Variants in ZRANB3 observed in about 807,000 individuals in gnomAD.
ZRANB3 encodes the protein DNA annealing helicase and endonuclease ZRANB3.
ZRANB3 carries 125 observed loss-of-function variants against 133.8 expected under a neutral mutation model. That is an observed-to-expected ratio of 0.93 (90% CI 0.81 to 1.08). ZRANB3 has a LOEUF of 1.08. ZRANB3 is among the 50% of genes least tolerant of loss of function. The pLI is 0.00. For synonymous variants in ZRANB3, 387 were observed against 432.7 expected (o/e 0.89, Z 1.31); for missense variants, 1,229 against 1,275.5 (o/e 0.96, Z 0.56).
At chr2:135,527,814 T>A (rs1694223564) in intron 1 of ZRANB3, among the ~76,000 whole-genome samples, 1 of 152,214 alleles carries the variant, frequency 6.6e-6, no homozygotes. Flanking sequence ...TACCTGTAAC[T>A]AAAGACAGAG....
intron 3 of ZRANB3, among the ~76,000 whole-genome samples, chr2:135,373,565 A>G (rs912816327): frequency 6.6e-6 from 1 of 152,074 alleles, no homozygotes; most frequent in Non-Finnish European, 1.5e-5. Context: ...AGGCAGGCGG[A>G]CCACTTGAGG....
chr2:135,325,720 A>T (rs80315923), intron 6 of ZRANB3, among the ~76,000 whole-genome samples: 4,126 of 152,228 alleles, frequency 0.027, 164 homozygotes, highest in South Asian at 0.16. Context: ...TATTAAATGA[A>T]GAAAGTGTGT....
At chr2:135,370,473 C>A (rs1246713502) in intron 3 of ZRANB3, among the ~76,000 whole-genome samples, 1 of 152,010 alleles carries the variant, frequency 6.6e-6, no homozygotes, top group Non-Finnish European at 1.5e-5. Context: ...TTAATAGTCT[C>A]CAATATCATC....
chr2:135,416,405 T>C (rs1382969547), intron 2 of ZRANB3, among the ~76,000 whole-genome samples: 8 of 152,096 alleles, frequency 5.3e-5, no homozygotes, highest in Non-Finnish European at 1.0e-4. Context: ...TTACAAGGGA[T>C]GTGAAGGACC....
intron 8 of ZRANB3, 77 bp downstream of exon 8, chr2:135,313,412 C>T: frequency 1.3e-6 from 1 of 779,776 alleles, no homozygotes; most frequent in Non-Finnish European, 2.0e-6. Flanking sequence ...ATATAAATAA[C>T]TTGCTTAATT....
rs60788576 is a variant in ZRANB3, at chr2:135,418,925, C to CTCTTTTTT, written c.162-28106_162-28105insAAAAAAGA. The stretch of plus-strand genomic sequence containing the variant: ...AAGTAATGAAAAATAAGGATTCTCT[C>CTCTTTTTT]TTTTTTTTTTTTTTTTTTTTTTTTT... On this transcript the variant is annotated intron_variant, in intron 2 of 20. Transcript: ENST00000264159. Among the ~76,000 whole-genome samples the CTCTTTTTT allele has an allele frequency of 1.3e-4, 11 of 85,898 alleles. 1 individual carries two copies. In the South Asian group the frequency reaches 1.6e-3, roughly 13 times the overall value. The allele number at this position is 85,898 out of a possible 152,430, so 56.4% of individuals were successfully genotyped here.
intron 1 of ZRANB3, among the ~76,000 whole-genome samples, chr2:135,505,507 G>T (rs1465593707): frequency 6.6e-6 from 1 of 152,078 alleles, no homozygotes; most frequent in East Asian, 1.9e-4. Context: ...CCAGGAGGCA[G>T]AGGTTGCAGT....
chr2:135,373,643 C>T (rs1686281010), intron 3 of ZRANB3, among the ~76,000 whole-genome samples: 1 of 151,754 alleles, frequency 6.6e-6, no homozygotes, highest in African/African-American at 2.4e-5. Flanking sequence ...CAAAAATTAG[C>T]TGGGTGTAAT....
chr2:135,219,239 T>A, intron 15 of ZRANB3, 61 bp from the exon 16 acceptor site: 1 of 1,053,632 alleles, frequency 9.5e-7, no homozygotes, highest in Non-Finnish European at 1.3e-6. Context: ...GTAACTATTT[T>A]AAATGAAAAT....
chr2:135,465,841 A>T (rs1429019899), intron 2 of ZRANB3, among the ~76,000 whole-genome samples: 1 of 152,226 alleles, frequency 6.6e-6, no homozygotes, highest in Non-Finnish European at 1.5e-5. Context: ...AAACAACCTC[A>T]TCAAAAAGTG....
chr2:135,335,385 A>G (rs1684324922), intron 6 of ZRANB3, among the ~76,000 whole-genome samples: 1 of 152,124 alleles, frequency 6.6e-6, no homozygotes, highest in South Asian at 2.1e-4. Context: ...TAATTCAAAC[A>G]TAACATTAAC....
chr2:135,524,686 A>C (rs528531643), intron 1 of ZRANB3, among the ~76,000 whole-genome samples: 1 of 152,330 alleles, frequency 6.6e-6, no homozygotes, highest in African/African-American at 2.4e-5. Context: ...ATTATTACAA[A>C]GTTACAGAAA....
intron 1 of ZRANB3, among the ~76,000 whole-genome samples, chr2:135,517,973 G>A (rs1257807875): frequency 2.0e-5 from 3 of 152,138 alleles, no homozygotes; most frequent in African/African-American, 7.2e-5. Context: ...GAGGAATATA[G>A]AGAGGCATTC....
intron 2 of ZRANB3, among the ~76,000 whole-genome samples, chr2:135,497,813 GA>G (rs1390175899): frequency 2.0e-5 from 3 of 152,142 alleles, no homozygotes; most frequent in Admixed American, 2.0e-4. Context: ...AGTACTTTGG[GA>G]GGCCAAGGCG....
intron 2 of ZRANB3, among the ~76,000 whole-genome samples, chr2:135,422,901 G>A (rs1688920157): frequency 6.6e-6 from 1 of 152,130 alleles, no homozygotes; most frequent in African/African-American, 2.4e-5. Flanking sequence ...ACCACAAAGT[G>A]GGTGGTTTAA....
At chr2:135,428,559 CA>C in intron 2 of ZRANB3, among the ~76,000 whole-genome samples, 1 of 151,190 alleles carries the variant, frequency 6.6e-6, no homozygotes. Context: ...ACAGACTAAA[CA>C]GACAACTTAC....
chr2:135,436,363 C>T (rs1057062506), intron 2 of ZRANB3, among the ~76,000 whole-genome samples: 2 of 152,018 alleles, frequency 1.3e-5, no homozygotes, highest in Non-Finnish European at 1.5e-5. Flanking sequence ...TGTTTTGGTT[C>T]GTGTAGCCTT....
intron 3 of ZRANB3, among the ~76,000 whole-genome samples, chr2:135,353,866 G>A (rs530504340): frequency 5.3e-5 from 8 of 152,078 alleles, no homozygotes; most frequent in South Asian, 2.1e-4. Flanking sequence ...TTAGCTGGGC[G>A]TGGTAGGACA....
At chr2:135,306,110 G>T (rs1682681889) in intron 8 of ZRANB3, among the ~76,000 whole-genome samples, 1 of 152,114 alleles carries the variant, frequency 6.6e-6, no homozygotes. Context: ...GTATCTGGAT[G>T]TCTACAGCTC....
Sources: gnomAD v4.1 joint callset for allele counts (sites outside exome capture counted in the v4.1 genomes callset) on GRCh38, gnomAD v4.1.1 for gene constraint, MANE v1.5 for transcripts, NCBI Gene and HGNC (gene_info 2026-07-23, HGNC 2026-07-21) for gene names.